The following GCLC variants were observed in gnomAD, a reference collection of about 807,000 sequenced individuals.
GCLC encodes glutamate--cysteine ligase catalytic subunit.
GCLC carries 30 observed loss-of-function variants against 81.5 expected under a neutral mutation model. The observed-to-expected ratio is 0.37, with a 90% CI of 0.28 to 0.50. The LOEUF is 0.50. Among genes scored for constraint, GCLC ranks in the 20% least tolerant of loss-of-function variants. The probability of loss-of-function intolerance (pLI) is 0.96; values close to 1 mark genes in which losing one functional copy is unlikely to be tolerated. For synonymous variants in GCLC, 262 were observed against 273.3 expected, an observed-to-expected ratio of 0.96 and a Z score of 0.41; for missense variants, 556 against 777.4, an observed-to-expected ratio of 0.72 and a Z score of 3.39.
rs1250602929 is a variant in GCLC, at chr6:53,497,441, A to G, written c.*1315T>C. On this transcript the variant is annotated 3_prime_UTR_variant, in exon 16 of 16. Coordinates refer to ENST00000650454, the MANE Select transcript of GCLC (RefSeq NM_001498.4). ...CCTGATTTACACAAGCAAATTGCAA[A>G]CGAAAACCAGGCATTCTTTAATCAT... 1 of 152,240 alleles carries G rather than the reference A, an allele frequency of 6.6e-6. No individual in the cohort carries two copies. The highest frequency in any genetic ancestry group is 1.5e-5 in the Non-Finnish European group (1 of 68,038). The allele number at this position is 152,240 out of a possible 1,614,324, so 9.4% of individuals were successfully genotyped here. A position where few individuals can be genotyped will look rare whatever the true frequency, so the allele number is the denominator to read the frequency against.
At chr6:53,520,676 A>T in intron 3 of GCLC, 102 bp downstream of exon 3, 2 of 916,536 alleles carry the variant, frequency 2.2e-6, no homozygotes, top group Non-Finnish European at 3.6e-6. Context: ...ACCATCTGTA[A>T]CGTATGAGGA....
intron 4 of GCLC, 90 bp from the exon 5 acceptor site, chr6:53,514,587 A>T (rs1010800858): frequency 3.3e-6 from 3 of 912,124 alleles, no homozygotes; most frequent in African/African-American, 3.3e-5. Context: ...AGTGGAATGA[A>T]ATCATACCTC....
In GCLC at chr6:53,506,113, G is replaced by A; in HGVS notation, c.1198-218C>T. 2.0e-6 allele frequency: 1 copy of A among 505,424 alleles called. No individual in the cohort carries two copies. The highest frequency in any genetic ancestry group is 4.0e-5 in the East Asian group (1 of 25,178). 31.3% of individuals were successfully genotyped at this position (505,424 alleles called of 1,614,324 possible). ...ACAAAAGCTATGAGGCCCTATCACT[G>A]CAAGCTTAATCTCACCCAGCTCCTA... On this transcript the variant is annotated intron_variant, in intron 10 of 15. Transcript: ENST00000650454. This position sits in a 1 kb window ranked among gnomAD's most constrained non-coding sequence, Gnocchi z 4.0.
intron 1 of GCLC, among the ~76,000 whole-genome samples, chr6:53,537,944 T>C (rs1763283946): frequency 6.6e-6 from 1 of 152,070 alleles, no homozygotes; most frequent in Non-Finnish European, 1.5e-5. Flanking sequence ...AGGAAGGTAG[T>C]ATTGTCCTCA....
intron 1 of GCLC, among the ~76,000 whole-genome samples, chr6:53,536,972 GA>G (rs1175928389): frequency 6.6e-6 from 1 of 152,058 alleles, no homozygotes; most frequent in African/African-American, 2.4e-5. Flanking sequence ...TACTTTTTGA[GA>G]ACTAGACAAA....
chr6:53,538,723 T>C (rs1196477793), intron 1 of GCLC, among the ~76,000 whole-genome samples: 2 of 152,190 alleles, frequency 1.3e-5, no homozygotes, highest in Non-Finnish European at 2.9e-5. Context: ...AACATGCTCA[T>C]AAAGATTAAA....
At chr6:53,507,212 C>A in intron 9 of GCLC, 187 bp from the exon 10 acceptor site, 1 of 668,554 alleles carries the variant, frequency 1.5e-6, no homozygotes, top group South Asian at 1.7e-5. Context: ...GGAGTGTCAG[C>A]GTTTTATTCA....
At chr6:53,505,345 T>C in intron 12 of GCLC, 47 bp downstream of exon 12, 1 of 804,212 alleles carries the variant, frequency 1.2e-6, no homozygotes, top group Non-Finnish European at 2.2e-6. Flanking sequence ...AATAAATATA[T>C]CTACAGATAG....
intron 1 of GCLC, among the ~76,000 whole-genome samples, chr6:53,526,057 C>T (rs1417928282): frequency 1.3e-5 from 2 of 152,124 alleles, no homozygotes; most frequent in Non-Finnish European, 2.9e-5. Flanking sequence ...AAATCAAGGA[C>T]AAAGACACAT....
rs1432475046 is a variant in GCLC at position 53,498,774 on chromosome 6, T to C, written c.1896A>G (p.Lys632=). ...AGAATGTCTAGTTGGATGAGTCAGT[T>C]TTACTTCCACTATATTTTACTTTCC... ...AFRKVKYSGS[K]TDSSN is the part of the protein sequence containing the mutation. Residue 632 remains lysine, a synonymous_variant, in exon 16 of 16, where the codon AAA becomes AAG. Coordinates refer to ENST00000650454, the MANE Select transcript of GCLC (RefSeq NM_001498.4). The C allele has an allele frequency of 6.2e-7, 1 of 1,608,408 alleles. No homozygotes were observed. Among genetic ancestry groups the C allele is most frequent in the East Asian group, 2.2e-5 (1 of 44,866 alleles).
chr6:53,516,519 T>C (rs1263682465), intron 3 of GCLC, among the ~76,000 whole-genome samples: 3 of 152,192 alleles, frequency 2.0e-5, no homozygotes, highest in South Asian at 4.1e-4. Flanking sequence ...CTTCATCTAA[T>C]AGGAAGGACT....
intron 1 of GCLC, among the ~76,000 whole-genome samples, chr6:53,536,852 A>G (rs1763265606): frequency 6.6e-6 from 1 of 152,238 alleles, no homozygotes. Context: ...GGTAGGTCAC[A>G]GTAACTGATA....
At chr6:53,528,340 T>C (rs148846599) in intron 1 of GCLC, among the ~76,000 whole-genome samples, 15 of 152,344 alleles carry the variant, frequency 9.8e-5, no homozygotes, top group African/African-American at 2.4e-4. Flanking sequence ...CTGTTTGACA[T>C]GGTAATCTCC....
chr6:53,512,130 A>G (rs1208752576), intron 6 of GCLC, among the ~76,000 whole-genome samples: 2 of 151,766 alleles, frequency 1.3e-5, no homozygotes, highest in Non-Finnish European at 2.9e-5. Flanking sequence ...TTTTTAGTAG[A>G]GATGAGATTT....
Position 53,544,798 on chromosome 6 carries a change from C to T in GCLC, c.-153G>A, listed in dbSNP as rs1763422346. 1 of 638,704 alleles carries T rather than the reference C, an allele frequency of 1.6e-6. No homozygotes were observed. The highest frequency in any genetic ancestry group is 2.0e-5 in the African/African-American group (1 of 50,918). The allele number at this position is 638,704 out of a possible 1,614,324, so 39.6% of individuals were successfully genotyped here. A position where few individuals can be genotyped will look rare whatever the true frequency, so the allele number is the denominator to read the frequency against. ...GCAGTCGGCGGAGGGAGGGTCCTGCCCGCTCCGGCTCCCCGGCGGCGGCCC... is the reference window on the plus strand; with the variant it reads ...GCAGTCGGCGGAGGGAGGGTCCTGCTCGCTCCGGCTCCCCGGCGGCGGCCC... On this transcript the variant is annotated 5_prime_UTR_variant, in exon 1 of 16. Transcript: ENST00000650454.
Position 53,522,481 on chromosome 6 carries a change from C to A in GCLC, c.197G>T (p.Arg66Leu). The change falls in exon 2 of 16, where the codon CGG becomes CTG. Residue 66 changes from arginine (R) to leucine (L), a missense_variant. Arg to Leu is a moderately radical substitution (Grantham distance 102). Around this residue, in one of 3 missense-constraint regions of GCLC, gnomAD observed 234 missense variants for 303.8 expected, o/e 0.77. Transcript: ENST00000650454. ...AACTTTCTCCCCAGACAGGACCAAC[C>A]GGACTTTTTTATTTTCATGATCAAA... ...VSFDHENKKV[R>L]LVLSGEKVLE... is the part of the protein sequence containing the mutation. The A allele has an allele frequency of 6.2e-7, 1 of 1,612,872 alleles. No individual in the cohort carries two copies. Among genetic ancestry groups the A allele is most frequent in the South Asian group, 1.1e-5 (1 of 91,058 alleles).
intron 3 of GCLC, among the ~76,000 whole-genome samples, chr6:53,518,232 T>G (rs1762916128): frequency 6.6e-6 from 1 of 152,098 alleles, no homozygotes; most frequent in Admixed American, 6.5e-5. Flanking sequence ...TGACTTAAGA[T>G]GCTGAATCTT....
intron 1 of GCLC, among the ~76,000 whole-genome samples, chr6:53,534,603 C>T (rs934547500): frequency 6.6e-6 from 1 of 151,954 alleles, no homozygotes; most frequent in African/African-American, 2.4e-5. Context: ...CTACAATTGC[C>T]CCCACTTACT....
At chr6:53,511,516 C>T (rs2127622152) in intron 6 of GCLC, among the ~76,000 whole-genome samples, 1 of 152,168 alleles carries the variant, frequency 6.6e-6, no homozygotes, top group Middle Eastern at 3.4e-3. Context: ...GTATACAATA[C>T]ATAATTCGTA....
Sources: gnomAD v4.1 joint callset for allele counts (sites outside exome capture counted in the v4.1 genomes callset) on GRCh38, gnomAD v4.1.1 for gene constraint, gnomAD v4.1.1 regional missense constraint, Gnocchi (gnomAD v3.1) non-coding constraint, MANE v1.5 for transcripts, NCBI Gene and HGNC (gene_info 2026-07-23, HGNC 2026-07-21) for gene names.